ZFHX3: variants seen among roughly 807,000 people sequenced by gnomAD.
ZFHX3 encodes zinc finger homeobox protein 3.
In ZFHX3, 42 loss-of-function variants were observed where a neutral mutation model predicts 279.1. The observed-to-expected ratio is 0.15, with a 90% CI of 0.12 to 0.19. The LOEUF (loss-of-function observed/expected upper bound fraction) is 0.19. Among genes scored for constraint, ZFHX3 ranks in the 10% least tolerant of loss-of-function variants. ZFHX3 has a pLI of 1.00. For missense variants in ZFHX3, 4,981 were observed against 4,754.0 expected (o/e 1.05, Z -1.40); for synonymous variants, 2,293 against 1,957.8 (o/e 1.17, Z -4.52).
intron 4 of ZFHX3, among the ~76,000 whole-genome samples, chr16:72,836,130 T>A (rs940822831): frequency 6.6e-6 from 1 of 152,202 alleles, no homozygotes; most frequent in Non-Finnish European, 1.5e-5. Context: ...GTCTTCTCTC[T>A]CTAAGCCAGG....
chr16:73,278,984 T>A (rs1252328669), intron 4 of ZFHX3, among the ~76,000 whole-genome samples: 2 of 152,324 alleles, frequency 1.3e-5, no homozygotes. Flanking sequence ...CTGTCTTCTG[T>A]TTTTTCTACT....
At position 73,731,611 on chromosome 16, in the gene ZFHX3, T is replaced by C. The variant is rs75950187; in HGVS notation, c.-1607-51371A>G. ...TTTTTTAAGCAATCACTGCACTTTA[T>C]AGCAGCTCACACACATAAACCAATG... is the stretch of plus-strand genomic sequence containing the variant. On this transcript the variant is annotated intron_variant, in intron 1 of 17. Transcript: ENST00000641206. Among the ~76,000 whole-genome samples the C allele has an allele frequency of 8.2e-4, 124 of 151,200 alleles. 1 individual carries two copies. In the East Asian group the frequency reaches 0.023, roughly 28 times the overall value.
intron 5 of ZFHX3, among the ~76,000 whole-genome samples, chr16:73,240,636 A>G (rs2013093228): frequency 6.6e-6 from 1 of 152,154 alleles, no homozygotes; most frequent in Non-Finnish European, 1.5e-5. Context: ...GCAGACCCTT[A>G]TTTGACCTCA....
intron 4 of ZFHX3, among the ~76,000 whole-genome samples, chr16:73,307,258 C>T (rs542825512): frequency 1.3e-5 from 2 of 152,172 alleles, no homozygotes; most frequent in Non-Finnish European, 2.9e-5. Context: ...CTGCTGAATA[C>T]CTTTGAAAAA....
rs1396835101 is a variant in ZFHX3 at position 72,797,148 on chromosome 16, C to T, written c.5534G>A (p.Ser1845Asn). ...CTGCTGCGGCAAGATCTGCTGATGG[C>T]TCTGCTGTGGGACCTGAACCTGAGC... The part of the protein sequence containing the change: ...LKAQVQVPQQ[S>N]HQQILPQQQQ... The change falls in exon 9 of 10, where the codon AGC (serine) becomes AAC (asparagine). Residue 1845 changes from serine to asparagine, a missense_variant. By Grantham distance (46) the Ser-to-Asn change is conservative. This residue lies in a region of ZFHX3 where 1,751 missense variants were observed against 1,770.0 expected (regional missense o/e 0.99). Transcript: ENST00000268489. 1.9e-6 allele frequency: 3 copies of T among 1,613,790 alleles called. No individual in the cohort carries two copies. Among genetic ancestry groups the T allele is most frequent in the Non-Finnish European group, 2.5e-6 (3 of 1,180,016 alleles).
intron 1 of ZFHX3, among the ~76,000 whole-genome samples, chr16:73,022,285 C>T (rs1035836760): frequency 1.3e-5 from 2 of 152,150 alleles, no homozygotes; most frequent in African/African-American, 4.8e-5. Context: ...TGGAAGCTCT[C>T]GCTGAGAAAG....
At chr16:73,479,852 C>T (rs1462071014) in intron 2 of ZFHX3, among the ~76,000 whole-genome samples, 19 of 152,172 alleles carry the variant, frequency 1.2e-4, no homozygotes, top group Admixed American at 1.2e-3. Context: ...GGTCCATTAT[C>T]CTATTAAACC....
At chr16:73,340,126 G>A (rs1381387139) in intron 3 of ZFHX3, among the ~76,000 whole-genome samples, 1 of 152,186 alleles carries the variant, frequency 6.6e-6, no homozygotes, top group African/African-American at 2.4e-5. Flanking sequence ...AGGGAAGACT[G>A]ATGCTCAGAA....
At chr16:73,022,628 A>C (rs2144654371) in intron 1 of ZFHX3, among the ~76,000 whole-genome samples, 1 of 152,252 alleles carries the variant, frequency 6.6e-6, no homozygotes, top group South Asian at 2.1e-4. Context: ...CCCCCTACGG[A>C]GAACCGCTGA....
chr16:73,057,669 G>A (rs1421562436), intron 1 of ZFHX3, among the ~76,000 whole-genome samples: 1 of 151,778 alleles, frequency 6.6e-6, no homozygotes, highest in Non-Finnish European at 1.5e-5. Flanking sequence ...GCAGCCCCGA[G>A]CCCCCGGGAG....
chr16:73,270,088 A>G (rs2014099289), intron 4 of ZFHX3, among the ~76,000 whole-genome samples: 1 of 152,130 alleles, frequency 6.6e-6, no homozygotes, highest in Non-Finnish European at 1.5e-5. Flanking sequence ...TCAGCAACAT[A>G]TGCAAACTAA....
chr16:73,162,432 A>C (rs1308796812), intron 5 of ZFHX3, among the ~76,000 whole-genome samples: 1 of 152,212 alleles, frequency 6.6e-6, no homozygotes, highest in Non-Finnish European at 1.5e-5. Context: ...CTGATTCTAC[A>C]TGATGGTGAG....
At chr16:73,627,306 T>G (rs541877672) in intron 2 of ZFHX3, among the ~76,000 whole-genome samples, 1 of 152,278 alleles carries the variant, frequency 6.6e-6, no homozygotes, top group African/African-American at 2.4e-5. Flanking sequence ...GCAGCCATAT[T>G]ATGAAGAGTC....
intron 3 of ZFHX3, among the ~76,000 whole-genome samples, chr16:73,408,548 T>C (rs1231420279): frequency 6.6e-6 from 1 of 152,164 alleles, no homozygotes; most frequent in Non-Finnish European, 1.5e-5. Context: ...CAGTTCCATA[T>C]GTGTCAATTG....
chr16:73,115,071 C>T (rs537519319), intron 7 of ZFHX3, among the ~76,000 whole-genome samples: 28 of 152,258 alleles, frequency 1.8e-4, no homozygotes, highest in African/African-American at 6.5e-4. Flanking sequence ...TTGTTGGCCA[C>T]CAGCAATTCT....
chr16:72,906,112 T>A (rs1440558049), intron 3 of ZFHX3, among the ~76,000 whole-genome samples: 1 of 151,678 alleles, frequency 6.6e-6, no homozygotes, highest in African/African-American at 2.4e-5. Flanking sequence ...CCCGATAAGA[T>A]CCCTCCCGGG....
At chr16:73,210,413 A>G in intron 5 of ZFHX3, among the ~76,000 whole-genome samples, 1 of 151,972 alleles carries the variant, frequency 6.6e-6, no homozygotes, top group East Asian at 1.9e-4. Flanking sequence ...ATATAAATAT[A>G]TATTTTGGGG....
intron 1 of ZFHX3, among the ~76,000 whole-genome samples, chr16:73,821,439 A>T (rs1960737709): frequency 6.6e-6 from 1 of 152,246 alleles, no homozygotes; most frequent in Non-Finnish European, 1.5e-5. Context: ...CATCTCTGCA[A>T]CTTAGCTATG....
intron 4 of ZFHX3, among the ~76,000 whole-genome samples, chr16:73,261,668 G>GTTTTTTTTTTTTTTTTTTTTTTT (rs1187489542): frequency 1.2e-5 from 1 of 80,716 alleles, no homozygotes; most frequent in African/African-American, 4.8e-5. Context: ...TCCTGTGATT[G>GTTTTTTTTTTTTTTTTTTTTTTT]TTTTTTTTTT....
Sources: gnomAD v4.1 joint callset for allele counts (sites outside exome capture counted in the v4.1 genomes callset) on GRCh38, gnomAD v4.1.1 for gene constraint, gnomAD v4.1.1 regional missense constraint, MANE v1.5 for transcripts, NCBI Gene and HGNC (gene_info 2026-07-23, HGNC 2026-07-21) for gene names.